PARD3B: variants seen among roughly 807,000 people sequenced by gnomAD.
The protein encoded by PARD3B is partitioning defective 3 homolog B.
PARD3B carries 103 observed loss-of-function variants against 130.2 expected under a neutral mutation model. The observed-to-expected ratio is 0.79, with a 90% CI of 0.67 to 0.93. The LOEUF (loss-of-function observed/expected upper bound fraction) is 0.93. Ranked by LOEUF, PARD3B falls within the 40% of genes least tolerant of loss-of-function variation. The pLI is 0.00. For missense variants in PARD3B, 1,609 were observed against 1,499.2 expected (o/e 1.07, Z -1.21); for synonymous variants, 583 against 553.2 (o/e 1.05, Z -0.76).
intron 2 of PARD3B, among the ~76,000 whole-genome samples, chr2:204,837,810 T>G (rs2044102989): frequency 6.6e-6 from 1 of 152,180 alleles, no homozygotes; most frequent in South Asian, 2.1e-4. Flanking sequence ...TATGTTGTTT[T>G]CTGGAATTCT....
intron 2 of PARD3B, among the ~76,000 whole-genome samples, chr2:204,857,306 T>C (rs1185136901): frequency 6.6e-6 from 1 of 152,118 alleles, no homozygotes; most frequent in Non-Finnish European, 1.5e-5. Context: ...AAGTAACTCT[T>C]TATCTTAAGA....
intron 20 of PARD3B, among the ~76,000 whole-genome samples, chr2:205,472,516 T>C (rs1158506941): frequency 2.6e-5 from 4 of 152,194 alleles, no homozygotes; most frequent in African/African-American, 9.6e-5. Context: ...ATATATAACA[T>C]ATAATAATTT....
intron 5 of PARD3B, among the ~76,000 whole-genome samples, chr2:205,104,881 G>A (rs1489743695): frequency 6.6e-6 from 1 of 152,018 alleles, no homozygotes. Flanking sequence ...AGACCACCGG[G>A]GAACCCTAAA....
In PARD3B at chr2:205,470,709, G is replaced by C. The variant is rs1162613231; in HGVS notation, c.3045-29187G>C. 2.0e-5 allele frequency among the ~76,000 whole-genome samples: 3 copies of C among 152,142 alleles called. No homozygotes were observed. Among genetic ancestry groups the C allele is most frequent in the Non-Finnish European group, 4.4e-5 (3 of 68,028 alleles). ...CTGAAGATCTGTAAAACGTAATGAG[G>C]TTTCAAACAGATGTGGCCACTGCCC... On this transcript the variant is annotated intron_variant, in intron 20 of 22. Transcript: ENST00000406610. This position sits in a 1 kb window ranked among gnomAD's most constrained non-coding sequence, Gnocchi z 4.8.
At position 204,675,051 on chromosome 2, in the gene PARD3B, G is replaced by C. The variant is rs933792901; in HGVS notation, c.121-11130G>C. On this transcript the variant is annotated intron_variant, in intron 1 of 22. Transcript: ENST00000406610. This position sits in a 1 kb window ranked among gnomAD's most constrained non-coding sequence, Gnocchi z 4.4. ...AGAGATGGCTCCTTCCACTTTTTAGGTGTAGGCTTTGAATTCCTCTGGACC... is the reference window on the plus strand; with the variant it reads ...AGAGATGGCTCCTTCCACTTTTTAGCTGTAGGCTTTGAATTCCTCTGGACC... Among the ~76,000 whole-genome samples, 11 of 152,102 alleles carry C rather than the reference G, an allele frequency of 7.2e-5. No homozygotes were observed. Among genetic ancestry groups the C allele is most frequent in the African/African-American group, 2.4e-4 (10 of 41,416 alleles).
At chr2:204,875,671 A>G (rs552272722) in intron 2 of PARD3B, among the ~76,000 whole-genome samples, 3 of 152,232 alleles carry the variant, frequency 2.0e-5, no homozygotes. Context: ...CTGACAATTT[A>G]TGTGCACATG....
At chr2:205,502,917 G>T (rs1291769074) in intron 21 of PARD3B, among the ~76,000 whole-genome samples, 1 of 151,816 alleles carries the variant, frequency 6.6e-6, no homozygotes, top group African/African-American at 2.4e-5. Flanking sequence ...CTGCCCAGTG[G>T]CCTGAAGTCT....
chr2:205,561,321 A>G (rs901110029), intron 22 of PARD3B, among the ~76,000 whole-genome samples: 8 of 152,194 alleles, frequency 5.3e-5, no homozygotes, highest in African/African-American at 1.4e-4. Context: ...GCAATGCCAC[A>G]GTACTGGGCG....
In PARD3B at chr2:204,807,053, C is replaced by A. The variant is rs149239845; in HGVS notation, c.222+120771C>A. 1.5e-4 allele frequency among the ~76,000 whole-genome samples: 23 copies of A among 152,256 alleles called. No individual in the cohort carries two copies. In the East Asian group the frequency reaches 4.4e-3, roughly 29 times the overall value. ...GAAGGAGGAGCAAAGGCATGTCTTA[C>A]ATGGTGGCAGGCAAGAGTGTGTGTG... On this transcript the variant is annotated intron_variant, in intron 2 of 22. Transcript: ENST00000406610.
intron 1 of PARD3B, among the ~76,000 whole-genome samples, chr2:204,569,239 A>G (rs2031854768): frequency 6.6e-6 from 1 of 152,182 alleles, no homozygotes; most frequent in Admixed American, 6.5e-5. Flanking sequence ...CTCCATGCGT[A>G]TAGCTCTTAT....
intron 2 of PARD3B, among the ~76,000 whole-genome samples, chr2:204,746,381 C>T (rs953127694): frequency 2.0e-5 from 3 of 151,812 alleles, no homozygotes; most frequent in East Asian, 1.9e-4. Context: ...CAGTCTATCA[C>T]TGATGGACAT....
Position 205,525,229 on chromosome 2 carries a change from A to AAG in PARD3B, c.3180+25202_3180+25203dup, listed in dbSNP as rs1020448911. 1.5e-4 allele frequency among the ~76,000 whole-genome samples: 23 copies of AAG among 152,290 alleles called. No individual in the cohort carries two copies. The highest frequency in any genetic ancestry group is 5.5e-4 in the African/African-American group (23 of 41,562). On this transcript the variant is annotated intron_variant, in intron 21 of 22. Coordinates refer to ENST00000406610, the MANE Select transcript of PARD3B (RefSeq NM_001302769.2). The surrounding 1 kb of genome is among the most constrained non-coding windows in gnomAD (Gnocchi z 4.2). Reference sequence around the variant, plus strand: ...TTTTCCTTTAAATGGTCCTGAAAACAAGAGACATGGTATGTAAAACTTCCA... The same window carrying AAG: ...TTTTCCTTTAAATGGTCCTGAAAACAAGAGAGACATGGTATGTAAAACTTCCA...
rs749217762 is a variant in PARD3B at position 205,407,563 on chromosome 2, A to G, written c.2741+6440A>G. 2.0e-5 allele frequency among the ~76,000 whole-genome samples: 3 copies of G among 152,206 alleles called. No homozygotes were observed. The highest frequency in any genetic ancestry group is 6.5e-5 in the Admixed American group (1 of 15,272). On this transcript the variant is annotated intron_variant, in intron 19 of 22. Transcript: ENST00000406610. The surrounding 1 kb of genome is among the most constrained non-coding windows in gnomAD (Gnocchi z 4.1). ...AGACCTAAGTTTGTAACCTTTTACA[A>G]AGTATGAAATTAATCAGAATCTTGG...
At chr2:205,484,469 G>C (rs1575135013) in intron 20 of PARD3B, among the ~76,000 whole-genome samples, 1 of 152,154 alleles carries the variant, frequency 6.6e-6, no homozygotes, top group East Asian at 1.9e-4. Flanking sequence ...CAATTAATTG[G>C]GGTATTATTT....
intron 2 of PARD3B, among the ~76,000 whole-genome samples, chr2:204,701,490 A>G (rs1046544305): frequency 6.6e-6 from 1 of 152,126 alleles, no homozygotes; most frequent in African/African-American, 2.4e-5. Context: ...TTGGTAAGTT[A>G]TTAGCTGTAG....
chr2:205,066,271 C>G (rs1700370117), intron 4 of PARD3B, among the ~76,000 whole-genome samples: 2 of 152,118 alleles, frequency 1.3e-5, no homozygotes, highest in South Asian at 4.1e-4. Context: ...GGCAGGAGTC[C>G]TGACATTTGG....
At chr2:205,313,652 G>A (rs2042466729) in intron 18 of PARD3B, among the ~76,000 whole-genome samples, 1 of 152,104 alleles carries the variant, frequency 6.6e-6, no homozygotes, top group Non-Finnish European at 1.5e-5. Flanking sequence ...CTCCTAATAT[G>A]CGTGCACAGC....
chr2:205,257,339 T>A (rs553526835), intron 16 of PARD3B, among the ~76,000 whole-genome samples: 80 of 148,354 alleles, frequency 5.4e-4, no homozygotes, highest in African/African-American at 1.7e-3. Flanking sequence ...GTTTTTTTTT[T>A]AAACCAAGCA....
In PARD3B at chr2:205,424,203, A is replaced by G. The variant is rs554703373; in HGVS notation, c.2742-16167A>G. Among the ~76,000 whole-genome samples, 12 of 152,280 alleles carry G rather than the reference A, an allele frequency of 7.9e-5. No homozygotes were observed. In the South Asian group the frequency reaches 2.3e-3, roughly 29 times the overall value. On this transcript the variant is annotated intron_variant, in intron 19 of 22. Coordinates refer to ENST00000406610, the MANE Select transcript of PARD3B (RefSeq NM_001302769.2). ...CCCTCTGTGTCTTTTTAAACTCTCT[A>G]TGATGCAGAGAACGTGACTTTTCAG...
Sources: gnomAD v4.1 joint callset for allele counts (sites outside exome capture counted in the v4.1 genomes callset) on GRCh38, gnomAD v4.1.1 for gene constraint, Gnocchi (gnomAD v3.1) non-coding constraint, MANE v1.5 for transcripts, NCBI Gene and HGNC (gene_info 2026-07-23, HGNC 2026-07-21) for gene names.